The following CAST variants were observed in gnomAD, a reference collection of about 807,000 sequenced individuals.
The protein encoded by CAST is calpastatin.
CAST carries 76 observed loss-of-function variants against 119.6 expected under a neutral mutation model. The ratio of observed to expected loss-of-function variants is 0.64; its 90% CI spans 0.53 to 0.77. The LOEUF is 0.77. Among genes scored for constraint, CAST ranks in the 30% least tolerant of loss-of-function variants. CAST has a pLI of 0.00. For synonymous variants in CAST, 319 were observed against 331.6 expected (o/e 0.96, Z 0.41); for missense variants, 953 against 946.5 (o/e 1.01, Z -0.09).
the CAST span, among the ~76,000 whole-genome samples, chr5:96,474,054 A>G: frequency 6.6e-6 from 1 of 152,144 alleles, no homozygotes; most frequent in African/African-American, 2.4e-5. Flanking sequence ...GAGATGAAGC[A>G]GGGGAGGAAA....
the CAST span, among the ~76,000 whole-genome samples, chr5:96,158,051 A>C: frequency 6.2e-5 from 8 of 129,200 alleles, no homozygotes; most frequent in East Asian, 2.6e-4. Flanking sequence ...CCCCCCTTAC[A>C]CCCCCCCAAA....
chr5:96,505,337 G>T, the CAST span, among the ~76,000 whole-genome samples: 1 of 151,994 alleles, frequency 6.6e-6, no homozygotes, highest in Admixed American at 6.6e-5. Context: ...AACTTTAGCC[G>T]GGCATGGTGG....
the CAST span, among the ~76,000 whole-genome samples, chr5:96,070,286 A>C: frequency 1.3e-5 from 2 of 152,146 alleles, no homozygotes; most frequent in Non-Finnish European, 2.9e-5. Context: ...AACTTGATTT[A>C]TAGTTGTTTA....
chr5:96,410,375 AG>A, the CAST span, among the ~76,000 whole-genome samples: 1 of 152,198 alleles, frequency 6.6e-6, no homozygotes, highest in East Asian at 1.9e-4. Context: ...GCGACAGGGC[AG>A]GTCAGACTAT....
At chr5:96,293,124 A>G in the CAST span, among the ~76,000 whole-genome samples, 1 of 152,162 alleles carries the variant, frequency 6.6e-6, no homozygotes, top group Non-Finnish European at 1.5e-5. Flanking sequence ...ATGATCTAGA[A>G]TATGAATGGT....
At chr5:96,122,588 C>T in the CAST span, among the ~76,000 whole-genome samples, 793 of 152,194 alleles carry the variant, frequency 5.2e-3, 8 homozygotes, top group African/African-American at 0.018. Context: ...ATAACCAGTT[C>T]GGGCTGGAGG....
At chr5:96,691,747 C>A (rs1295935307) in intron 2 of CAST, among the ~76,000 whole-genome samples, 1 of 152,242 alleles carries the variant, frequency 6.6e-6, no homozygotes, top group East Asian at 1.9e-4. Flanking sequence ...TGCCTAAGAT[C>A]TCATAGCTGG....
intron 2 of CAST, among the ~76,000 whole-genome samples, chr5:96,677,719 G>T (rs1750874090): frequency 6.6e-6 from 1 of 152,176 alleles, no homozygotes; most frequent in East Asian, 1.9e-4. Context: ...AGTAAAGAGG[G>T]GATAGAGACT....
At chr5:96,633,137 A>G (rs531931676) in intron 1 of CAST, among the ~76,000 whole-genome samples, 1 of 152,034 alleles carries the variant, frequency 6.6e-6, no homozygotes, top group South Asian at 2.1e-4. Context: ...ATGCCCGGCT[A>G]ATTTTTTGTA....
the CAST span, among the ~76,000 whole-genome samples, chr5:95,996,182 G>C: frequency 6.6e-6 from 1 of 152,166 alleles, no homozygotes; most frequent in South Asian, 2.1e-4. Context: ...GATATAGGAA[G>C]ATCAAGGCTG....
the CAST span, among the ~76,000 whole-genome samples, chr5:96,451,680 A>G: frequency 6.6e-6 from 1 of 152,244 alleles, no homozygotes; most frequent in Non-Finnish European, 1.5e-5. Flanking sequence ...GCACAGCAAA[A>G]GAAACTATCA....
the CAST span, among the ~76,000 whole-genome samples, chr5:96,114,223 A>G: frequency 3.9e-5 from 6 of 152,188 alleles, no homozygotes; most frequent in Non-Finnish European, 7.3e-5. Flanking sequence ...AGAAGCAGAG[A>G]AGAAATCTGG....
At chr5:96,380,595 T>C in the CAST span, among the ~76,000 whole-genome samples, 1 of 152,196 alleles carries the variant, frequency 6.6e-6, no homozygotes, top group African/African-American at 2.4e-5. Flanking sequence ...AAAATGAGCC[T>C]GTCACTTCAA....
chr5:96,604,234 A>T (rs1747212689), intron 1 of CAST, among the ~76,000 whole-genome samples: 1 of 152,186 alleles, frequency 6.6e-6, no homozygotes, highest in Non-Finnish European at 1.5e-5. Context: ...TCCTTGGTTG[A>T]CCAAAACATT....
chr5:96,388,635 A>T, the CAST span, among the ~76,000 whole-genome samples: 3 of 152,008 alleles, frequency 2.0e-5, no homozygotes, highest in Non-Finnish European at 4.4e-5. Flanking sequence ...AATCATTTAT[A>T]TGAATGTTAT....
chr5:96,155,806 G>A, the CAST span, among the ~76,000 whole-genome samples: 2 of 152,108 alleles, frequency 1.3e-5, no homozygotes, highest in Admixed American at 1.3e-4. Context: ...GCTCCTATGT[G>A]GTCTCTCTAT....
chr5:96,565,070 T>G (rs895256495), intron 1 of CAST, among the ~76,000 whole-genome samples: 4 of 70,472 alleles, frequency 5.7e-5, no homozygotes, highest in Middle Eastern at 6.9e-3. Context: ...TAAAAACACA[T>G]GGGAAAGGTG....
intron 1 of CAST, among the ~76,000 whole-genome samples, chr5:96,556,675 A>G (rs1348509613): frequency 6.6e-6 from 1 of 152,186 alleles, no homozygotes; most frequent in Non-Finnish European, 1.5e-5. Flanking sequence ...AATAAAAAGA[A>G]ATGAACAAAG....
the CAST span, among the ~76,000 whole-genome samples, chr5:96,037,073 T>C: frequency 6.6e-6 from 1 of 152,034 alleles, no homozygotes; most frequent in African/African-American, 2.4e-5. Flanking sequence ...AATAATCTTA[T>C]CTCTTCTGGA....
Sources: allele counts gnomAD v4.1 joint callset (sites outside exome capture counted in the v4.1 genomes callset), GRCh38; gene constraint gnomAD v4.1.1; transcripts MANE v1.5; gene names NCBI Gene and HGNC (gene_info 2026-07-23, HGNC 2026-07-21).